Variants in DNAH5 observed in about 807,000 individuals in gnomAD.
The protein encoded by DNAH5 is axonemal beta dynein heavy chain 5.
In DNAH5, 372 loss-of-function variants were observed where a neutral mutation model predicts 518.2. The ratio of observed to expected loss-of-function variants is 0.72; its 90% CI spans 0.66 to 0.78. DNAH5 has a LOEUF of 0.78. Among genes scored for constraint, DNAH5 ranks in the 30% least tolerant of loss-of-function variants. The pLI is 0.00. For synonymous variants in DNAH5, 2,039 were observed against 2,025.9 expected (o/e 1.01, Z -0.17); for missense variants, 5,523 against 5,687.0 (o/e 0.97, Z 0.93).
At chr5:13,736,538 G>A (rs1340122032) in intron 66 of DNAH5, among the ~76,000 whole-genome samples, 1 of 151,814 alleles carries the variant, frequency 6.6e-6, no homozygotes, top group African/African-American at 2.4e-5. Context: ...GGGATTACAG[G>A]CGCCCACCAC....
chr5:13,913,083 A>T (rs1290810189), intron 11 of DNAH5, among the ~76,000 whole-genome samples: 1 of 152,050 alleles, frequency 6.6e-6, no homozygotes, highest in African/African-American at 2.4e-5. Flanking sequence ...ACCAAAAAAA[A>T]TTTAAGATTT....
chr5:13,893,927 A>AC (rs1773586869), intron 16 of DNAH5, among the ~76,000 whole-genome samples: 1 of 151,848 alleles, frequency 6.6e-6, no homozygotes. Flanking sequence ...AAAAAAAAAA[A>AC]AAAAACCATT....
Position 13,976,570 on chromosome 5 carries a change from T to G in DNAH5, c.12+35078A>C, listed in dbSNP as rs978972424. On this transcript the variant is annotated intron_variant, in intron 1 of 78. Coordinates refer to the DNAH5 transcript ENST00000681290. ...AGGCCACACTTAACTTTTATTACAG[T>G]ATATTGTTGTAATTGTTCCATTTTA... Among the ~76,000 whole-genome samples, 5 of 152,246 alleles carry G rather than the reference T, an allele frequency of 3.3e-5. No individual in the cohort carries two copies. In the East Asian group the frequency reaches 9.6e-4, roughly 29 times the overall value.
chr5:13,906,737 T>C (rs1775346502), intron 12 of DNAH5, among the ~76,000 whole-genome samples: 1 of 151,972 alleles, frequency 6.6e-6, no homozygotes, highest in African/African-American at 2.4e-5. Flanking sequence ...ATGAGTAAAA[T>C]AACAAATCAT....
At chr5:13,724,076 G>A (rs1163977837) in intron 70 of DNAH5, among the ~76,000 whole-genome samples, 1 of 152,218 alleles carries the variant, frequency 6.6e-6, no homozygotes, top group African/African-American at 2.4e-5. Flanking sequence ...AACCAGATAT[G>A]CATGCATTAG....
At chr5:13,932,339 G>T (rs1193668747) in intron 1 of DNAH5, 1 of 152,340 alleles carries the variant, frequency 6.6e-6, no homozygotes, top group Non-Finnish European at 1.5e-5. Flanking sequence ...ACTCTAGCCT[G>T]GAGTTGATAA....
chr5:13,791,849 G>T, intron 50 of DNAH5, 145 bp downstream of exon 50: 1 of 639,584 alleles, frequency 1.6e-6, no homozygotes, highest in Non-Finnish European at 2.6e-6. Flanking sequence ...ATTTCATTAT[G>T]TTAGTTTAAA....
At chr5:13,844,364 T>G (rs1026174400) in intron 32 of DNAH5, among the ~76,000 whole-genome samples, 1 of 152,012 alleles carries the variant, frequency 6.6e-6, no homozygotes, top group Non-Finnish European at 1.5e-5. Flanking sequence ...GCAAGTGTAG[T>G]CTCCGTCAAG....
At chr5:13,911,302 T>C (rs1775960635) in intron 12 of DNAH5, 84 bp downstream of exon 12, 1 of 1,041,416 alleles carries the variant, frequency 9.6e-7, no homozygotes, top group African/African-American at 1.6e-5. Flanking sequence ...CTCTGCCTTC[T>C]GATTGGGTAA....
At chr5:13,823,752 A>G (rs1283278303) in intron 39 of DNAH5, among the ~76,000 whole-genome samples, 1 of 152,218 alleles carries the variant, frequency 6.6e-6, no homozygotes, top group Non-Finnish European at 1.5e-5. Flanking sequence ...TTTTAATTTA[A>G]AATAAAAATC....
chr5:13,854,587 G>A (rs1332760754), intron 30 of DNAH5, among the ~76,000 whole-genome samples: 1 of 152,116 alleles, frequency 6.6e-6, no homozygotes, highest in Non-Finnish European at 1.5e-5. Flanking sequence ...ATTTAATAGA[G>A]TCAAGATCCA....
chr5:13,835,278 C>A (rs1215443182), intron 35 of DNAH5, among the ~76,000 whole-genome samples: 45 of 142,982 alleles, frequency 3.1e-4, no homozygotes, highest in East Asian at 8.2e-4. Flanking sequence ...GACTTCTTCT[C>A]AAAAAAAAAA....
intron 1 of DNAH5, among the ~76,000 whole-genome samples, chr5:13,967,026 T>A (rs569025391): frequency 6.6e-6 from 1 of 152,188 alleles, no homozygotes; most frequent in South Asian, 2.1e-4. Context: ...CACACCCGGA[T>A]AATTTTTGTA....
In DNAH5 at chr5:13,775,656, G is replaced by A. The variant is rs564480221; in HGVS notation, c.9373+783C>T. Among the ~76,000 whole-genome samples, 237 of 152,112 alleles carry A rather than the reference G, an allele frequency of 1.6e-3. 2 individuals are homozygous for A. Among genetic ancestry groups the A allele is most frequent in the Non-Finnish European group, 2.1e-3 (140 of 68,004 alleles). On this transcript the variant is annotated intron_variant, in intron 55 of 78. Coordinates refer to ENST00000265104, the MANE Select transcript of DNAH5 (RefSeq NM_001369.3). Reference sequence around the variant, plus strand: ...CTCCTTCTCTAAAGAGCAAGAGATGGGTTAATCAGTCATTCTCAGATGGGG... The same window carrying A: ...CTCCTTCTCTAAAGAGCAAGAGATGAGTTAATCAGTCATTCTCAGATGGGG...
At position 13,849,500 on chromosome 5, in the gene DNAH5, G is replaced by A. The variant is rs767624536; in HGVS notation, c.5114+1152C>T. The stretch of plus-strand genomic sequence containing the variant: ...ATTACCAATTTGAGGACAACAAAAC[G>A]TAATGTCTCCCCAGGTAACTTTTAT... On this transcript the variant is annotated intron_variant, in intron 31 of 78. Coordinates refer to ENST00000265104, the MANE Select transcript of DNAH5 (RefSeq NM_001369.3). Among the ~76,000 whole-genome samples the A allele has an allele frequency of 4.9e-4, 75 of 152,242 alleles. 1 individual carries two copies. In the Middle Eastern group the frequency reaches 0.02, roughly 41 times the overall value.
chr5:13,802,067 T>C lies in DNAH5; in HGVS notation c.7887+5524A>G, dbSNP rs60838073. Among the ~76,000 whole-genome samples, 143 of 148,256 alleles carry C rather than the reference T, an allele frequency of 9.6e-4. 5 individuals carry two copies. The East Asian group carries it at 0.026, about 27-fold the overall frequency. On this transcript the variant is annotated intron_variant, in intron 47 of 78. Coordinates refer to ENST00000265104, the MANE Select transcript of DNAH5 (RefSeq NM_001369.3). ...TTCTGTCAATCCAGTTACTGATTTT[T>C]AAAAAAAAAAAATTAAGTCTCTAGC... is the stretch of plus-strand genomic sequence containing the variant.
In DNAH5 at chr5:13,885,781, G is replaced by A. The variant is rs145627883; in HGVS notation, c.2743+183C>T. ...TTGCAAAGTTTAACCAAAAATAGTA[G>A]GAATTAACAACATAGAGTCACTAAA... On this transcript the variant is annotated intron_variant, in intron 18 of 78. Coordinates refer to ENST00000265104, the MANE Select transcript of DNAH5 (RefSeq NM_001369.3). 4.0e-3 allele frequency among the ~76,000 whole-genome samples: 610 copies of A among 152,164 alleles called. 6 individuals are homozygous for A. The highest frequency in any genetic ancestry group is 0.014 in the African/African-American group (581 of 41,506).
intron 1 of DNAH5, among the ~76,000 whole-genome samples, chr5:14,005,833 G>A (rs547578179): frequency 6.6e-6 from 1 of 152,292 alleles, no homozygotes; most frequent in Admixed American, 6.5e-5. Context: ...AGGGGAAATG[G>A]GAAAACAGAC....
chr5:13,727,569 G>A lies in DNAH5; in HGVS notation c.11971C>T (p.Leu3991Phe). The change falls in exon 70 of 79, where the codon CTT becomes TTT. Residue 3991 changes from leucine (L) to phenylalanine (F), a missense_variant. Leu to Phe is a conservative substitution (Grantham distance 22, BLOSUM62 0). Transcript: ENST00000265104. ...EPLPNAYDKS[L>F]DCFRRLLLIR... is the part of the protein sequence containing the mutation. ...AGGAGAAGACGTCTGAAGCAGTCAA[G>A]AGATTTATCATAGGCATTTGGAAGA... The A allele has an allele frequency of 6.2e-7, 1 of 1,613,936 alleles. No individual in the cohort carries two copies. The highest frequency in any genetic ancestry group is 8.5e-7 in the Non-Finnish European group (1 of 1,179,884).
Sources: allele counts gnomAD v4.1 joint callset (sites outside exome capture counted in the v4.1 genomes callset), GRCh38; gene constraint gnomAD v4.1.1; transcripts MANE v1.5; gene names NCBI Gene and HGNC (gene_info 2026-07-23, HGNC 2026-07-21).